The following APELA variants were observed in gnomAD, a reference collection of about 807,000 sequenced individuals.
The protein encoded by APELA is apelin receptor early endogenous ligand.
At chr4:164,882,720 A>G (rs1416380357) in intron 2 of APELA, among the ~76,000 whole-genome samples, 2 of 152,036 alleles carry the variant, frequency 1.3e-5, no homozygotes, top group Non-Finnish European at 2.9e-5. Context: ...AGCATTAGGT[A>G]TATCTCCTAA....
chr4:164,886,597 G>A (rs888292038), intron 2 of APELA, among the ~76,000 whole-genome samples: 2 of 151,960 alleles, frequency 1.3e-5, no homozygotes, highest in African/African-American at 4.8e-5. Flanking sequence ...AGTGAGCTGT[G>A]ATCATACCAC....
chr4:164,877,615 A>G (rs375881320), intron 1 of APELA, among the ~76,000 whole-genome samples: 106 of 152,328 alleles, frequency 7.0e-4, no homozygotes, highest in African/African-American at 2.3e-3. Flanking sequence ...CTTTGAAATG[A>G]TAAGTATTTT....
intron 2 of APELA, among the ~76,000 whole-genome samples, chr4:164,895,183 G>C (rs566617942): frequency 6.6e-6 from 1 of 152,216 alleles, no homozygotes; most frequent in Non-Finnish European, 1.5e-5. Flanking sequence ...GGGCAACAGA[G>C]TGAGACTGTC....
chr4:164,884,165 G>GAA lies in APELA; in HGVS notation c.*1+5157_*1+5158insAA, dbSNP rs1560858173. Among the ~76,000 whole-genome samples, 179 of 123,116 alleles carry GAA rather than the reference G, an allele frequency of 1.5e-3. 1 individual carries two copies. Among genetic ancestry groups the GAA allele is most frequent in the African/African-American group, 5.5e-3 (165 of 29,866 alleles). 80.8% of individuals were successfully genotyped at this position (123,116 alleles called of 152,430 possible). ...AAAGAAAGAAAGAAAGAAAGGAGAAGAGAAAGAAAGGAGAGAAGAAAGAAA... is the reference window on the plus strand; with the variant it reads ...AAAGAAAGAAAGAAAGAAAGGAGAAGAAAGAAAGAAAGGAGAGAAGAAAGAAA... On this transcript the variant is annotated intron_variant, in intron 2 of 2. Transcript: ENST00000507152.
chr4:164,889,178 T>G, intron 2 of APELA, among the ~76,000 whole-genome samples: 1 of 139,324 alleles, frequency 7.2e-6, no homozygotes, highest in African/African-American at 2.6e-5. Context: ...GAGGGTGGGG[T>G]GGGAGTGGGG....
intron 2 of APELA, among the ~76,000 whole-genome samples, chr4:164,886,791 G>C (rs1475022381): frequency 6.6e-6 from 1 of 151,824 alleles, no homozygotes; most frequent in East Asian, 1.9e-4. Context: ...TGTATACAAT[G>C]TTCTAGAGTT....
intron 2 of APELA, among the ~76,000 whole-genome samples, chr4:164,889,679 G>A (rs1730843789): frequency 1.3e-5 from 2 of 152,164 alleles, no homozygotes; most frequent in African/African-American, 2.4e-5. Context: ...ATTAAGAGAC[G>A]GTCACTTTGA....
chr4:164,884,864 T>A (rs1043578324), intron 2 of APELA, among the ~76,000 whole-genome samples: 8 of 152,360 alleles, frequency 5.3e-5, no homozygotes, highest in Non-Finnish European at 8.8e-5. Flanking sequence ...TTCACTTTTT[T>A]TCTCAGTATC....
chr4:164,890,927 G>T (rs1415019542), intron 2 of APELA, among the ~76,000 whole-genome samples: 1 of 152,210 alleles, frequency 6.6e-6, no homozygotes, highest in Non-Finnish European at 1.5e-5. Context: ...CCTAGAGGGT[G>T]TGAAGTGACA....
chr4:164,891,318 C>T (rs898845142), intron 2 of APELA, among the ~76,000 whole-genome samples: 2 of 152,136 alleles, frequency 1.3e-5, no homozygotes, highest in Admixed American at 1.3e-4. Context: ...CAAAGATTTA[C>T]ATCTACTTTG....
chr4:164,879,257 G>A, intron 2 of APELA: 1 of 329,362 alleles, frequency 3.0e-6, no homozygotes, highest in Non-Finnish European at 5.5e-6. Context: ...TGTTGAATCT[G>A]AGTAACAGCT....
intron 2 of APELA, among the ~76,000 whole-genome samples, chr4:164,887,260 A>G (rs1200478573): frequency 6.6e-6 from 1 of 152,104 alleles, no homozygotes. Flanking sequence ...AATCCCATCT[A>G]ATCCATTCCC....
rs1730958682 is a variant in APELA at position 164,895,625 on chromosome 4, T to C, written c.*211T>C. 6.6e-6 allele frequency: 1 copy of C among 152,198 alleles called. No individual in the cohort carries two copies. Among genetic ancestry groups the C allele is most frequent in the Non-Finnish European group, 1.5e-5 (1 of 68,002 alleles). 9.4% of individuals were successfully genotyped at this position (152,198 alleles called of 1,614,324 possible). On this transcript the variant is annotated 3_prime_UTR_variant, in exon 3 of 3. Coordinates refer to ENST00000507152, the MANE Select transcript of APELA (RefSeq NM_001297550.2). ...GCTTCTATTTGGAGGGAAAATAACA[T>C]AAATTCAAAAGGATTCCAATCTGAA...
chr4:164,879,594 G>C (rs548063573), intron 2 of APELA, among the ~76,000 whole-genome samples: 1 of 152,042 alleles, frequency 6.6e-6, no homozygotes, highest in Non-Finnish European at 1.5e-5. Flanking sequence ...ACAGGCATGC[G>C]CCACCACTCC....
In APELA at chr4:164,890,454, A is replaced by G. The variant is rs541662312; in HGVS notation, c.*2-4962A>G. Among the ~76,000 whole-genome samples, 6 of 152,274 alleles carry G rather than the reference A, an allele frequency of 3.9e-5. No homozygotes were observed. The East Asian group carries it at 1.2e-3, about 29-fold the overall frequency. On this transcript the variant is annotated intron_variant, in intron 2 of 2. Transcript: ENST00000507152. ...AGCCACTAACCTACTTTCTGTCTCT[A>G]TAGATTTCCCTATTCTAGATATTCC...
At chr4:164,883,087 C>A (rs1162044320) in intron 2 of APELA, among the ~76,000 whole-genome samples, 1 of 152,114 alleles carries the variant, frequency 6.6e-6, no homozygotes, top group Non-Finnish European at 1.5e-5. Context: ...CATCTGACCC[C>A]CTTAACCAAA....
downstream of APELA, among the ~76,000 whole-genome samples, chr4:164,897,764 T>C (rs1731002597): frequency 6.6e-6 from 1 of 152,230 alleles, no homozygotes; most frequent in East Asian, 1.9e-4. Flanking sequence ...GTGGCACATA[T>C]GCTTGTTGAC....
rs1190306912 is a variant in APELA, at chr4:164,877,313, A to T, written c.-19A>T. Reference sequence around the variant, plus strand: ...GGTTTACATTGAGAGTCATTGCTCTACTTTTGTGCGGTAGGAAAATGAGAT... The same window carrying T: ...GGTTTACATTGAGAGTCATTGCTCTTCTTTTGTGCGGTAGGAAAATGAGAT... On this transcript the variant is annotated 5_prime_UTR_variant, in exon 1 of 3. Coordinates refer to ENST00000507152, the MANE Select transcript of APELA (RefSeq NM_001297550.2). The T allele has an allele frequency of 2.5e-6, 1 of 398,876 alleles. No homozygotes were observed. Among genetic ancestry groups the T allele is most frequent in the Admixed American group, 4.4e-5 (1 of 22,718 alleles). 24.7% of individuals were successfully genotyped at this position (398,876 alleles called of 1,614,324 possible).
At chr4:164,892,949 T>C (rs1348113033) in intron 2 of APELA, among the ~76,000 whole-genome samples, 1 of 152,140 alleles carries the variant, frequency 6.6e-6, no homozygotes, top group Non-Finnish European at 1.5e-5. Context: ...TTAGTAGTGA[T>C]GTTCCCTCTT....
Sources: allele counts gnomAD v4.1 joint callset (sites outside exome capture counted in the v4.1 genomes callset), GRCh38; gene constraint gnomAD v4.1.1; transcripts MANE v1.5; gene names NCBI Gene and HGNC (gene_info 2026-07-23, HGNC 2026-07-21).